Variants in MALL observed in about 807,000 individuals in gnomAD.
MALL encodes mal, T cell differentiation protein like, also known as MAL-like protein.
In MALL, 2 loss-of-function variants were observed where a neutral mutation model predicts 10.3. The observed-to-expected ratio is 0.19, with a 90% CI of 0.08 to 0.61. MALL has a LOEUF of 0.61. Among genes scored for constraint, MALL ranks in the 20% least tolerant of loss-of-function variants. The pLI is 0.88. For missense variants in MALL, 39 were observed against 115.2 expected (o/e 0.34, Z 3.03); for synonymous variants, 27 against 51.8 (o/e 0.52, Z 2.05).
chr2:110,112,085 A>G (rs1032230729), intron 1 of MALL, among the ~76,000 whole-genome samples: 3 of 152,218 alleles, frequency 2.0e-5, no homozygotes, highest in Non-Finnish European at 2.9e-5. Context: ...AACCAACTCA[A>G]GATGGATTAA....
intron 1 of MALL, 148 bp downstream of exon 1, chr2:110,115,540 C>CA (rs201712581): frequency 2.3e-6 from 1 of 433,552 alleles, no homozygotes; most frequent in African/African-American, 2.1e-5. Context: ...CGGTCTCCCC[C>CA]CCCCTCTCTG....
At chr2:110,095,288 G>A (rs1678417329) in intron 1 of MALL, among the ~76,000 whole-genome samples, 1 of 152,164 alleles carries the variant, frequency 6.6e-6, no homozygotes, top group South Asian at 2.1e-4. Flanking sequence ...TCCTCAGAGC[G>A]GGAGATATTT....
intron 1 of MALL, among the ~76,000 whole-genome samples, chr2:110,102,028 C>T (rs757832684): frequency 1.3e-5 from 2 of 152,136 alleles, no homozygotes; most frequent in Non-Finnish European, 2.9e-5. Context: ...CTCTTTCTCA[C>T]TCTCCCTGTA....
At chr2:110,118,115 C>T (rs1678959251), upstream of MALL, among the ~76,000 whole-genome samples, 1 of 150,632 alleles carries the variant, frequency 6.6e-6, no homozygotes, top group Non-Finnish European at 1.5e-5. Context: ...TCCATGCATT[C>T]TGTCCAGGGC....
chr2:110,107,423 C>G (rs1170636833), intron 1 of MALL, among the ~76,000 whole-genome samples: 1 of 152,082 alleles, frequency 6.6e-6, no homozygotes, highest in African/African-American at 2.4e-5. Context: ...GCCAGCTTTC[C>G]CCCACTTCCC....
chr2:110,108,139 C>A (rs571548616), intron 1 of MALL, among the ~76,000 whole-genome samples: 1 of 152,046 alleles, frequency 6.6e-6, no homozygotes, highest in Admixed American at 6.6e-5. Flanking sequence ...TTCAATACCC[C>A]CCAAAATCAC....
At chr2:110,107,499 G>A (rs1358760678) in intron 1 of MALL, among the ~76,000 whole-genome samples, 1 of 152,036 alleles carries the variant, frequency 6.6e-6, no homozygotes, top group Admixed American at 6.5e-5. Context: ...CAGTAACTTG[G>A]GAATCTCACC....
intron 1 of MALL, among the ~76,000 whole-genome samples, chr2:110,097,107 A>AAAAG (rs1553477285): frequency 1.3e-5 from 2 of 151,828 alleles, no homozygotes; most frequent in African/African-American, 4.8e-5. Flanking sequence ...AAAAAAAAAA[A>AAAAG]AGAGAGAGAA....
At position 110,100,991 on chromosome 2, in the gene MALL, G is replaced by C. The variant is rs192994625; in HGVS notation, c.106-9221C>G. 1.2e-3 allele frequency among the ~76,000 whole-genome samples: 188 copies of C among 152,092 alleles called. 1 individual carries two copies. The highest frequency in any genetic ancestry group is 3.6e-3 in the African/African-American group (150 of 41,546). On this transcript the variant is annotated intron_variant, in intron 1 of 3. Coordinates refer to ENST00000272462, the MANE Select transcript of MALL (RefSeq NM_005434.5). ...CCCCAAGTGCCACAGCTGGAGGTCA[G>C]GGACCCAGCCAGGCTGTGCTGGGTG...
chr2:110,100,715 A>G (rs867982781), intron 1 of MALL, among the ~76,000 whole-genome samples: 4 of 152,028 alleles, frequency 2.6e-5, no homozygotes, highest in South Asian at 4.1e-4. Flanking sequence ...CCTTCACAGC[A>G]CTGTCCCATG....
chr2:110,106,282 G>C (rs1343005849), intron 1 of MALL, among the ~76,000 whole-genome samples: 6 of 152,068 alleles, frequency 3.9e-5, no homozygotes, highest in African/African-American at 1.4e-4. Context: ...ATAAAATTCA[G>C]CTTATAAAAA....
At chr2:110,102,484 C>T (rs550333001) in intron 1 of MALL, among the ~76,000 whole-genome samples, 2 of 152,290 alleles carry the variant, frequency 1.3e-5, no homozygotes, top group African/African-American at 4.8e-5. Flanking sequence ...AAAGCAAGTG[C>T]TTGGTACATG....
At chr2:110,097,531 G>A (rs1427514757) in intron 1 of MALL, 1 of 456,520 alleles carries the variant, frequency 2.2e-6, no homozygotes. Context: ...CCTCATGGGT[G>A]GGAGAGGGGC....
At chr2:110,118,070 CT>C (rs75059765), upstream of MALL, among the ~76,000 whole-genome samples, 282 of 145,002 alleles carry the variant, frequency 1.9e-3, 1 homozygote, top group East Asian at 5.6e-3. Flanking sequence ...ATTCCTGCTC[CT>C]TTTTTTTTTT....
chr2:110,102,546 T>C (rs1172148549), intron 1 of MALL, among the ~76,000 whole-genome samples: 1 of 152,200 alleles, frequency 6.6e-6, no homozygotes, highest in African/African-American at 2.4e-5. Context: ...CACCACTCAC[T>C]AGCTGCTCAC....
intron 1 of MALL, among the ~76,000 whole-genome samples, chr2:110,095,491 T>C (rs1277228184): frequency 6.6e-6 from 1 of 152,132 alleles, no homozygotes; most frequent in Non-Finnish European, 1.5e-5. Flanking sequence ...AGCTTAACAA[T>C]AGGTTTTTAA....
chr2:110,100,745 C>T (rs1453417838), intron 1 of MALL, among the ~76,000 whole-genome samples: 1 of 152,176 alleles, frequency 6.6e-6, no homozygotes, highest in Non-Finnish European at 1.5e-5. Context: ...CAGCCCAGCA[C>T]AGGCCCCAGC....
At chr2:110,104,781 A>C (rs1319618243) in intron 1 of MALL, among the ~76,000 whole-genome samples, 1 of 152,098 alleles carries the variant, frequency 6.6e-6, no homozygotes, top group Admixed American at 6.5e-5. Context: ...TCAGTGTGTT[A>C]GTTGCACCAC....
chr2:110,111,674 A>C (rs1678804417), intron 1 of MALL, among the ~76,000 whole-genome samples: 1 of 152,146 alleles, frequency 6.6e-6, no homozygotes, highest in South Asian at 2.1e-4. Context: ...CAATCTACAA[A>C]TTCAATGCAA....
Sources: gnomAD v4.1 joint callset for allele counts (sites outside exome capture counted in the v4.1 genomes callset) on GRCh38, gnomAD v4.1.1 for gene constraint, MANE v1.5 for transcripts, NCBI Gene and HGNC (gene_info 2026-07-23, HGNC 2026-07-21) for gene names.